Variants in ADGRL2 observed in about 807,000 individuals in gnomAD.
The protein encoded by ADGRL2 is adhesion G protein-coupled receptor L2, also known as calcium-independent alpha-latrotoxin receptor 2.
A neutral mutation model predicts 157.4 loss-of-function variants in ADGRL2; 44 were observed. The observed-to-expected ratio is 0.28, with a 90% CI of 0.22 to 0.36. The LOEUF is 0.36. ADGRL2 is among the 10% of genes least tolerant of loss of function. The probability of loss-of-function intolerance (pLI) is 1.00; values close to 1 mark genes in which losing one functional copy is unlikely to be tolerated. For missense variants in ADGRL2, 1,510 were observed against 1,768.9 expected, an observed-to-expected ratio of 0.85 and a Z score of 2.63; for synonymous variants, 585 against 624.7, an observed-to-expected ratio of 0.94 and a Z score of 0.95.
At chr1:81,857,346 C>T (rs911970419) in intron 2 of ADGRL2, among the ~76,000 whole-genome samples, 2 of 152,030 alleles carry the variant, frequency 1.3e-5, no homozygotes, top group East Asian at 3.8e-4. Flanking sequence ...ATTTTAGCAA[C>T]GCATATATAT....
At chr1:81,481,808 T>C (rs568735954) in intron 2 of ADGRL2, among the ~76,000 whole-genome samples, 3 of 152,292 alleles carry the variant, frequency 2.0e-5, no homozygotes, top group East Asian at 3.9e-4. Flanking sequence ...TGTCAATTCC[T>C]TGTCATCCTG....
At chr1:81,853,341 A>G (rs557956354) in intron 2 of ADGRL2, among the ~76,000 whole-genome samples, 30 of 152,300 alleles carry the variant, frequency 2.0e-4, no homozygotes, top group Non-Finnish European at 4.4e-4. Context: ...AATACCTAGC[A>G]GGACAATGTA....
intron 3 of ADGRL2, among the ~76,000 whole-genome samples, chr1:81,911,377 A>T (rs1176996561): frequency 1.3e-5 from 2 of 152,196 alleles, no homozygotes; most frequent in African/African-American, 4.8e-5. Flanking sequence ...AACAAACCAA[A>T]AAAACAAATC....
intron 3 of ADGRL2, among the ~76,000 whole-genome samples, chr1:81,686,214 C>T (rs1027628430): frequency 2.6e-5 from 4 of 152,072 alleles, no homozygotes; most frequent in African/African-American, 9.7e-5. Context: ...AGGATTAATA[C>T]CAATTATTCT....
chr1:81,670,593 G>A (rs182831431), intron 3 of ADGRL2, among the ~76,000 whole-genome samples: 8 of 152,300 alleles, frequency 5.3e-5, no homozygotes, highest in African/African-American at 1.9e-4. Context: ...GAAGGACACG[G>A]CATCTGGACC....
intron 1 of ADGRL2, among the ~76,000 whole-genome samples, chr1:81,816,282 A>G (rs1214035428): frequency 2.0e-5 from 3 of 151,842 alleles, no homozygotes; most frequent in East Asian, 1.9e-4. Context: ...AGAATAAATC[A>G]CCATAAACTC....
At chr1:81,756,502 G>T (rs972914719) in intron 1 of ADGRL2, among the ~76,000 whole-genome samples, 1 of 152,132 alleles carries the variant, frequency 6.6e-6, no homozygotes, top group Non-Finnish European at 1.5e-5. Context: ...TAGACAAGAG[G>T]TATAAGTGGG....
chr1:81,955,474 A>G (rs973737405), intron 10 of ADGRL2, among the ~76,000 whole-genome samples: 2 of 152,116 alleles, frequency 1.3e-5, no homozygotes, highest in Admixed American at 1.3e-4. Flanking sequence ...CAAAGACATC[A>G]GTATTTTTGG....
intron 21 of ADGRL2, 41 bp downstream of exon 21, chr1:81,985,396 A>G (rs779882857): frequency 1.9e-6 from 2 of 1,039,050 alleles, no homozygotes; most frequent in African/African-American, 3.2e-5. Flanking sequence ...CATTTATTAA[A>G]GTACATATAA....
At chr1:81,643,789 A>G (rs537147743) in intron 3 of ADGRL2, among the ~76,000 whole-genome samples, 3 of 152,216 alleles carry the variant, frequency 2.0e-5, no homozygotes, top group Non-Finnish European at 4.4e-5. Flanking sequence ...ATTCATGGAT[A>G]AGAAGACTCA....
At chr1:81,694,497 C>T (rs77759748) in intron 3 of ADGRL2, among the ~76,000 whole-genome samples, 6,200 of 151,070 alleles carry the variant, frequency 0.041, 151 homozygotes, top group African/African-American at 0.057. Context: ...AGTATAAGCC[C>T]GTACACTGTT....
At chr1:81,814,754 TA>T (rs951679396) in intron 1 of ADGRL2, among the ~76,000 whole-genome samples, 1 of 151,456 alleles carries the variant, frequency 6.6e-6, no homozygotes, top group Admixed American at 6.6e-5. Flanking sequence ...AACAAAGGTA[TA>T]AAAAATACTT....
intron 11 of ADGRL2, among the ~76,000 whole-genome samples, chr1:81,961,696 G>A (rs1655455110): frequency 6.6e-6 from 1 of 151,868 alleles, no homozygotes; most frequent in South Asian, 2.1e-4. Flanking sequence ...TTTTAGTAGA[G>A]AGGGGGTTTC....
At chr1:81,793,492 G>T (rs548194895) in intron 2 of ADGRL2, among the ~76,000 whole-genome samples, 2 of 152,096 alleles carry the variant, frequency 1.3e-5, no homozygotes, top group African/African-American at 4.8e-5. Flanking sequence ...TTTTGTAGAA[G>T]TTAATAATCT....
At chr1:81,569,784 CTGA>C (rs1330457943) in intron 2 of ADGRL2, among the ~76,000 whole-genome samples, 1 of 152,044 alleles carries the variant, frequency 6.6e-6, no homozygotes, top group East Asian at 1.9e-4. Context: ...CACTCCAGCC[CTGA>C]TGACAGAGCC....
chr1:81,375,070 C>G (rs909784123), intron 1 of ADGRL2, among the ~76,000 whole-genome samples: 1 of 152,174 alleles, frequency 6.6e-6, no homozygotes, highest in Non-Finnish European at 1.5e-5. Context: ...TTCCAGACAA[C>G]ATGCTAGTTT....
intron 1 of ADGRL2, among the ~76,000 whole-genome samples, chr1:81,441,230 T>A (rs1363449058): frequency 5.3e-5 from 8 of 152,228 alleles, no homozygotes; most frequent in Non-Finnish European, 7.3e-5. Flanking sequence ...ATATTGCTAC[T>A]GAAAATAGTA....
At chr1:81,959,405 C>CT (rs1253497420) in intron 11 of ADGRL2, among the ~76,000 whole-genome samples, 1 of 152,006 alleles carries the variant, frequency 6.6e-6, no homozygotes, top group Non-Finnish European at 1.5e-5. Flanking sequence ...TGTTGTAAGT[C>CT]TTTTTGTCAG....
intron 2 of ADGRL2, among the ~76,000 whole-genome samples, chr1:81,779,912 T>TTTGC (rs1327497578): frequency 6.6e-6 from 1 of 152,204 alleles, no homozygotes; most frequent in Non-Finnish European, 1.5e-5. Flanking sequence ...TTGTCACTAT[T>TTTGC]TTGCTTTCTG....
Sources: allele counts gnomAD v4.1 joint callset (sites outside exome capture counted in the v4.1 genomes callset), GRCh38; gene constraint gnomAD v4.1.1; transcripts MANE v1.5; gene names NCBI Gene and HGNC (gene_info 2026-07-23, HGNC 2026-07-21).